Variants in ORC1 observed in about 807,000 individuals in gnomAD.
ORC1 encodes origin recognition complex, subunit 1 homolog.
A neutral mutation model predicts 98.9 loss-of-function variants in ORC1; 61 were observed. The ratio of observed to expected loss-of-function variants is 0.62; its 90% CI spans 0.50 to 0.76. ORC1 has a LOEUF of 0.76. Among genes scored for constraint, ORC1 ranks in the 30% least tolerant of loss-of-function variants. The probability of loss-of-function intolerance (pLI) is 0.00; values close to 1 mark genes in which losing one functional copy is unlikely to be tolerated. For missense variants in ORC1, 979 were observed against 1,072.2 expected, an observed-to-expected ratio of 0.91 and a Z score of 1.21; for synonymous variants, 385 against 406.9, an observed-to-expected ratio of 0.95 and a Z score of 0.65.
chr1:52,395,914 G>C, intron 5 of ORC1, 132 bp downstream of exon 5: 2 of 1,461,744 alleles, frequency 1.4e-6, no homozygotes, highest in Non-Finnish European at 1.9e-6. Flanking sequence ...AGGATTGCTT[G>C]AGCATGATCA....
chr1:52,381,551 C>T (rs1647069962), intron 14 of ORC1, 91 bp downstream of exon 14: 5 of 1,365,644 alleles, frequency 3.7e-6, no homozygotes, highest in Non-Finnish European at 5.1e-6. Context: ...AAATTTCTCT[C>T]CAACCTCAGA....
At chr1:52,408,110 G>A (rs990478454), upstream of ORC1, among the ~76,000 whole-genome samples, 23 of 151,438 alleles carry the variant, frequency 1.5e-4, no homozygotes, top group African/African-American at 4.9e-4. Flanking sequence ...GCATGGTGGC[G>A]GGCGCCTGTA....
chr1:52,381,971 G>A (rs889110352), intron 13 of ORC1, among the ~76,000 whole-genome samples: 4 of 151,954 alleles, frequency 2.6e-5, no homozygotes, highest in African/African-American at 9.7e-5. Flanking sequence ...TTTCATTTAA[G>A]GACCTTTGAT....
intron 6 of ORC1, among the ~76,000 whole-genome samples, chr1:52,392,837 A>G (rs1015605684): frequency 2.6e-5 from 4 of 152,226 alleles, no homozygotes; most frequent in South Asian, 2.1e-4. Context: ...GTTCTCACTT[A>G]TAAGTGGGAG....
At chr1:52,381,786 A>G (rs1288000551) in intron 13 of ORC1, 25 bp from the exon 14 acceptor site, 9 of 1,610,786 alleles carry the variant, frequency 5.6e-6, no homozygotes, top group Admixed American at 1.7e-5. Context: ...TGACAGAGGA[A>G]TAAGTTGGTT....
chr1:52,393,434 C>T lies in ORC1; in HGVS notation c.1082+9G>A. On this transcript the variant is annotated intron_variant, in intron 6 of 16. Coordinates refer to ENST00000371568, the MANE Select transcript of ORC1 (RefSeq NM_004153.4). Reference sequence around the variant, plus strand: ...TTCAATTTGCTCTGTGGGTAATGTCCCTGGTCACCTCTTTTTGATGTTTTC... The same window carrying T: ...TTCAATTTGCTCTGTGGGTAATGTCTCTGGTCACCTCTTTTTGATGTTTTC... The T allele has an allele frequency of 6.2e-7, 1 of 1,614,024 alleles. No individual in the cohort carries two copies. The highest frequency in any genetic ancestry group is 8.5e-7 in the Non-Finnish European group (1 of 1,179,988).
chr1:52,393,889 G>T, intron 5 of ORC1, 86 bp from the exon 6 acceptor site: 1 of 1,392,458 alleles, frequency 7.2e-7, no homozygotes, highest in Non-Finnish European at 1.0e-6. Context: ...CAGCCACTGA[G>T]TTATATGTAA....
chr1:52,388,692 A>G (rs1647175685), intron 7 of ORC1, 55 bp from the exon 8 acceptor site: 1 of 1,453,834 alleles, frequency 6.9e-7, no homozygotes, highest in African/African-American at 1.4e-5. Flanking sequence ...AAATAAGAAG[A>G]ACTCTATAAC....
rs367894366 is a variant in ORC1 at position 52,372,989 on chromosome 1, G to C, written c.*192C>G. 8.2e-5 allele frequency: 53 copies of C among 644,212 alleles called. No homozygotes were observed. The highest frequency in any genetic ancestry group is 3.2e-4 in the Admixed American group (14 of 44,292). The allele number at this position is 644,212 out of a possible 1,614,324, so 39.9% of individuals were successfully genotyped here. The stretch of plus-strand genomic sequence containing the variant: ...GCCCTGTCTCTACAAAAAATCAGCT[G>C]GGCATGGTGGCATGTGCCTGTAGTT... On this transcript the variant is annotated 3_prime_UTR_variant, in exon 17 of 17. Coordinates refer to ENST00000371568, the MANE Select transcript of ORC1 (RefSeq NM_004153.4).
intron 6 of ORC1, among the ~76,000 whole-genome samples, chr1:52,392,335 A>G (rs898581639): frequency 2.0e-5 from 3 of 152,084 alleles, no homozygotes; most frequent in Non-Finnish European, 2.9e-5. Context: ...TCACTGTGTT[A>G]GCCAGGATGG....
chr1:52,404,714 AG>A (rs1189514667), upstream of ORC1: 1 of 1,604,832 alleles, frequency 6.2e-7, no homozygotes, highest in East Asian at 2.2e-5. Flanking sequence ...GAGGCATTAA[AG>A]GATCCGACGG....
chr1:52,389,289 G>A lies in ORC1; in HGVS notation c.1115C>T (p.Ala372Val), dbSNP rs3087476. Reference sequence around the variant, plus strand: ...GCGGATACGATGGGGAGTAGAGGTCGCTTCATTCTGGGCTTTTGCTTCTTT... The same window carrying A: ...GCGGATACGATGGGGAGTAGAGGTCACTTCATTCTGGGCTTTTGCTTCTTT... ...DAKEAKAQNE[A>V]TSTPHRIRRK... The change falls in exon 7 of 17, where the codon GCG (alanine) becomes GTG (valine). Residue 372 changes from alanine (A) to valine (V), a missense_variant. Physicochemically the swap from Ala to Val is moderately conservative, Grantham distance 64 (BLOSUM62 0). Coordinates refer to ENST00000371568, the MANE Select transcript of ORC1 (RefSeq NM_004153.4). 0.016 allele frequency: 26,573 copies of A among 1,613,960 alleles called. 250 individuals carry two copies. The highest frequency in any genetic ancestry group is 0.022 in the Admixed American group (1,345 of 60,014).
Position 52,384,593 on chromosome 1 carries a change from A to G in ORC1, c.1712T>C (p.Met571Thr), listed in dbSNP as rs1647117598. Reference sequence around the variant, plus strand: ...GACTTGGTGGGGCTCCGTCAGCTTCATGCCATTGACCTCAATGTATTGAAA... The same window carrying G: ...GACTTGGTGGGGCTCCGTCAGCTTCGTGCCATTGACCTCAATGTATTGAAA... ...PPFQYIEVNGMKLTEPHQVYV... is the reference protein window; with the variant it reads ...PPFQYIEVNGTKLTEPHQVYV... The change falls in exon 11 of 17, where the codon ATG becomes ACG. Residue 571 changes from methionine (M) to threonine (T), a missense_variant. Met to Thr is a moderately conservative substitution (Grantham distance 81). Coordinates refer to ENST00000371568, the MANE Select transcript of ORC1 (RefSeq NM_004153.4). 1 of 1,614,054 alleles carries G rather than the reference A, an allele frequency of 6.2e-7. No homozygotes were observed. Among genetic ancestry groups the G allele is most frequent in the Non-Finnish European group, 8.5e-7 (1 of 1,180,030 alleles).
At position 52,383,492 on chromosome 1, in the gene ORC1, A is replaced by G. The variant is rs200575804; in HGVS notation, c.1941T>C (p.Leu647=). ...FDWPTHKEAR[L]VVLAIANTMD... is the part of the protein sequence containing the mutation. The stretch of plus-strand genomic sequence containing the variant: ...TTGTGTTGGCAATTGCCAGGACCAC[A>G]AGCCGGGCCTCCTTATGAGTGGGCC... The change falls in exon 13 of 17, where the codon CTT becomes CTC. Residue 647 remains leucine (L), a synonymous_variant. Transcript: ENST00000371568. The G allele has an allele frequency of 4.1e-5, 66 of 1,613,746 alleles. No homozygotes were observed. The highest frequency in any genetic ancestry group is 1.0e-4 in the Admixed American group (6 of 60,032).
intron 8 of ORC1, among the ~76,000 whole-genome samples, chr1:52,387,779 C>T (rs1647163501): frequency 6.6e-6 from 1 of 152,166 alleles, no homozygotes. Flanking sequence ...TTGATTTCAA[C>T]CCAAGCCAAA....
At chr1:52,386,509 T>C (rs1647145084) in intron 8 of ORC1, among the ~76,000 whole-genome samples, 1 of 152,202 alleles carries the variant, frequency 6.6e-6, no homozygotes, top group African/African-American at 2.4e-5. Flanking sequence ...CATGGCTTGC[T>C]AGAACAAGCC....
At chr1:52,383,221 G>T (rs548286496) in intron 13 of ORC1, among the ~76,000 whole-genome samples, 199 bp downstream of exon 13, 1 of 151,990 alleles carries the variant, frequency 6.6e-6, no homozygotes, top group African/African-American at 2.4e-5. Context: ...GCTAATTTTT[G>T]TATTTTTAGT....
intron 6 of ORC1, among the ~76,000 whole-genome samples, chr1:52,390,611 A>G (rs1160951753): frequency 6.6e-6 from 1 of 152,166 alleles, no homozygotes; most frequent in Non-Finnish European, 1.5e-5. Flanking sequence ...AGCCTGGCCA[A>G]CATGGTGAAA....
Position 52,393,440 on chromosome 1 carries a change from C to A in ORC1, c.1082+3G>T. On this transcript the variant is annotated splice_donor_region_variant and intron_variant, in intron 6 of 16. Coordinates refer to ENST00000371568, the MANE Select transcript of ORC1 (RefSeq NM_004153.4). Reference sequence around the variant, plus strand: ...TTGCTCTGTGGGTAATGTCCCTGGTCACCTCTTTTTGATGTTTTCTGGTTT... The same window carrying A: ...TTGCTCTGTGGGTAATGTCCCTGGTAACCTCTTTTTGATGTTTTCTGGTTT... 1 of 1,614,104 alleles carries A rather than the reference C, an allele frequency of 6.2e-7. No individual in the cohort carries two copies. Among genetic ancestry groups the A allele is most frequent in the South Asian group, 1.1e-5 (1 of 91,036 alleles).
Sources: gnomAD v4.1 joint callset for allele counts (sites outside exome capture counted in the v4.1 genomes callset) on GRCh38, gnomAD v4.1.1 for gene constraint, MANE v1.5 for transcripts, NCBI Gene and HGNC (gene_info 2026-07-23, HGNC 2026-07-21) for gene names.